The following FAM135B variants were observed in gnomAD, a reference collection of about 807,000 sequenced individuals.
The protein encoded by FAM135B is family with sequence similarity 135 member B.
FAM135B carries 43 observed loss-of-function variants against 127.7 expected under a neutral mutation model. The ratio of observed to expected loss-of-function variants is 0.34; its 90% CI spans 0.26 to 0.43. The LOEUF is 0.43. Ranked by LOEUF, FAM135B falls within the 20% of genes least tolerant of loss-of-function variation. The probability of loss-of-function intolerance (pLI) is 1.00; values close to 1 mark genes in which losing one functional copy is unlikely to be tolerated. For synonymous variants in FAM135B, 670 were observed against 665.1 expected (o/e 1.01, Z -0.11); for missense variants, 1,558 against 1,725.6 (o/e 0.90, Z 1.72).
intron 1 of FAM135B, among the ~76,000 whole-genome samples, chr8:138,435,128 C>T (rs1214116845): frequency 1.3e-5 from 2 of 152,044 alleles, no homozygotes; most frequent in Non-Finnish European, 2.9e-5. Context: ...GAAACCTCAT[C>T]TCTACTAAAA....
At chr8:138,441,762 C>G (rs190997059) in intron 1 of FAM135B, 164 of 151,056 alleles carry the variant, frequency 1.1e-3, no homozygotes, top group African/African-American at 3.8e-3. Context: ...GACCTTGATT[C>G]AAATTCGATC....
At chr8:138,240,254 A>G (rs1242204843) in intron 7 of FAM135B, among the ~76,000 whole-genome samples, 1 of 152,210 alleles carries the variant, frequency 6.6e-6, no homozygotes, top group Admixed American at 6.5e-5. Context: ...TTTCTACCGC[A>G]TTGTAACAGT....
rs141913395 is a variant in FAM135B at position 138,366,141 on chromosome 8, A to G, written c.77+1766T>C. On this transcript the variant is annotated intron_variant, in intron 2 of 19. Coordinates refer to ENST00000395297, the MANE Select transcript of FAM135B (RefSeq NM_015912.4). ...CTTAGCTTCAGCTCCTCACTCTGCT[A>G]TGTTAGAGCTATGTACTGTTCTACT... Among the ~76,000 whole-genome samples the G allele has an allele frequency of 5.1e-4, 78 of 152,306 alleles. 1 individual carries two copies. In the East Asian group the frequency reaches 0.015, roughly 29 times the overall value.
chr8:138,217,858 T>C (rs934116814), intron 7 of FAM135B, among the ~76,000 whole-genome samples: 1 of 151,790 alleles, frequency 6.6e-6, no homozygotes, highest in South Asian at 2.1e-4. Context: ...GGAGACAAAG[T>C]AGGAAGAGAA....
At chr8:138,420,922 G>C (rs1433743912) in intron 1 of FAM135B, among the ~76,000 whole-genome samples, 3 of 152,162 alleles carry the variant, frequency 2.0e-5, no homozygotes, top group Non-Finnish European at 4.4e-5. Context: ...CATTCCCCTT[G>C]AGCACTGGAA....
At chr8:138,216,463 C>T (rs1472214268) in intron 7 of FAM135B, among the ~76,000 whole-genome samples, 1 of 152,102 alleles carries the variant, frequency 6.6e-6, no homozygotes, top group East Asian at 1.9e-4. Context: ...CAACTGTCTG[C>T]AGTGAGATTG....
chr8:138,407,452 C>G (rs890794675), intron 1 of FAM135B, among the ~76,000 whole-genome samples: 1 of 152,188 alleles, frequency 6.6e-6, no homozygotes, highest in African/African-American at 2.4e-5. Flanking sequence ...ATCGCCAAGT[C>G]AATCCTAAGC....
intron 1 of FAM135B, among the ~76,000 whole-genome samples, chr8:138,459,953 T>G (rs949160441): frequency 6.6e-6 from 1 of 152,146 alleles, no homozygotes; most frequent in Admixed American, 6.5e-5. Context: ...AGCTGTAAAA[T>G]GAATAGAACC....
At chr8:138,232,292 T>C (rs956533215) in intron 7 of FAM135B, among the ~76,000 whole-genome samples, 3 of 152,234 alleles carry the variant, frequency 2.0e-5, no homozygotes, top group South Asian at 2.1e-4. Context: ...CAGTGCCTCA[T>C]TGTCACCATG....
chr8:138,413,303 C>T lies in FAM135B; in HGVS notation c.-19-45301G>A, dbSNP rs532256866. 5.3e-5 allele frequency among the ~76,000 whole-genome samples: 8 copies of T among 152,158 alleles called. No homozygotes were observed. In the South Asian group the frequency reaches 1.7e-3, roughly 32 times the overall value. ...AGTGTAGAGTTCCCCTGTCTCATCA[C>T]CCTTTCATACTTCCAAGTCTTTGCT... On this transcript the variant is annotated intron_variant, in intron 1 of 19. Transcript: ENST00000395297.
intron 7 of FAM135B, among the ~76,000 whole-genome samples, chr8:138,231,228 C>T (rs892397250): frequency 7.9e-5 from 12 of 152,054 alleles, no homozygotes; most frequent in African/African-American, 2.2e-4. Flanking sequence ...GTCTTGTTGG[C>T]CAGGCTGGTC....
At chr8:138,340,926 T>C (rs1029356378) in intron 2 of FAM135B, among the ~76,000 whole-genome samples, 10 of 152,284 alleles carry the variant, frequency 6.6e-5, no homozygotes, top group Admixed American at 2.0e-4. Flanking sequence ...CTGTGTTACA[T>C]GAATGTGCTT....
intron 1 of FAM135B, among the ~76,000 whole-genome samples, chr8:138,404,968 T>C (rs1293450682): frequency 1.3e-5 from 2 of 152,328 alleles, no homozygotes; most frequent in East Asian, 1.9e-4. Context: ...GCTAAAATTA[T>C]GAATCCTTTC....
At chr8:138,472,293 G>A (rs1353678246) in intron 1 of FAM135B, among the ~76,000 whole-genome samples, 1 of 152,168 alleles carries the variant, frequency 6.6e-6, no homozygotes, top group African/African-American at 2.4e-5. Context: ...AAGTAAGAAG[G>A]AATATCACAG....
intron 1 of FAM135B, among the ~76,000 whole-genome samples, chr8:138,369,352 A>T (rs1830971139): frequency 6.6e-6 from 1 of 152,118 alleles, no homozygotes; most frequent in Non-Finnish European, 1.5e-5. Context: ...CAGGGACCAG[A>T]CCATTCTTGT....
At chr8:138,256,566 T>A (rs962316019) in intron 5 of FAM135B, 123 bp downstream of exon 5, 2 of 777,370 alleles carry the variant, frequency 2.6e-6, no homozygotes, top group African/African-American at 3.4e-5. Flanking sequence ...ACATTGCAGC[T>A]TATCAGGAGA....
intron 1 of FAM135B, among the ~76,000 whole-genome samples, chr8:138,405,294 T>C (rs1286423692): frequency 6.6e-6 from 1 of 151,542 alleles, no homozygotes; most frequent in Admixed American, 6.6e-5. Context: ...TATGTATACA[T>C]GTGCCATGCT....
rs115815666 is a variant in FAM135B at position 138,185,620 on chromosome 8, T to C, written c.874-6930A>G. Reference sequence around the variant, plus strand: ...CACTGATGCTTAGTAACTGTACTTATCATTAGTAGTCCCTGCTAGGAGGGT... The same window carrying C: ...CACTGATGCTTAGTAACTGTACTTACCATTAGTAGTCCCTGCTAGGAGGGT... On this transcript the variant is annotated intron_variant, in intron 9 of 19. Transcript: ENST00000395297. Among the ~76,000 whole-genome samples the C allele has an allele frequency of 7.5e-3, 1,145 of 152,260 alleles. 16 individuals are homozygous for C. Among genetic ancestry groups the C allele is most frequent in the African/African-American group, 0.026 (1,073 of 41,526 alleles).
chr8:138,417,969 G>A (rs943094399), intron 1 of FAM135B, among the ~76,000 whole-genome samples: 9 of 152,060 alleles, frequency 5.9e-5, no homozygotes, highest in African/African-American at 1.7e-4. Context: ...AATGGCAGAC[G>A]TCAAATTCAG....
Sources: gnomAD v4.1 joint callset for allele counts (sites outside exome capture counted in the v4.1 genomes callset) on GRCh38, gnomAD v4.1.1 for gene constraint, MANE v1.5 for transcripts, NCBI Gene and HGNC (gene_info 2026-07-23, HGNC 2026-07-21) for gene names.